The following ATP10B variants were observed in gnomAD, a reference collection of about 807,000 sequenced individuals.
The protein encoded by ATP10B is phospholipid-transporting ATPase VB.
In ATP10B, 122 loss-of-function variants were observed where a neutral mutation model predicts 141.2. The observed-to-expected ratio is 0.86, with a 90% confidence interval of 0.75 to 1.00. The LOEUF (loss-of-function observed/expected upper bound fraction) is 1.00, where lower values mean the gene tolerates loss of function less well. Ranked by LOEUF, ATP10B falls within the 50% of genes least tolerant of loss-of-function variation. ATP10B has a pLI of 0.00. For synonymous variants in ATP10B, 685 were observed against 692.0 expected (o/e 0.99, Z 0.16); for missense variants, 1,876 against 1,825.3 (o/e 1.03, Z -0.51).
At chr5:160,708,947 C>T (rs1191578110) in intron 3 of ATP10B, among the ~76,000 whole-genome samples, 4 of 152,150 alleles carry the variant, frequency 2.6e-5, no homozygotes, top group South Asian at 2.1e-4. Flanking sequence ...TGATACACAT[C>T]GGAGAGCCAG....
At chr5:160,718,774 C>T (rs894117539) in intron 2 of ATP10B, among the ~76,000 whole-genome samples, 6 of 152,124 alleles carry the variant, frequency 3.9e-5, no homozygotes, top group Non-Finnish European at 5.9e-5. Flanking sequence ...GGATCCGACC[C>T]CATGGCCCAA....
At chr5:160,898,306 A>G in the ATP10B span, among the ~76,000 whole-genome samples, 1 of 152,000 alleles carries the variant, frequency 6.6e-6, no homozygotes, top group Non-Finnish European at 1.5e-5. Context: ...TTACAAGAAA[A>G]AAACAACCCC....
At chr5:160,773,370 T>C (rs537651944) in intron 2 of ATP10B, among the ~76,000 whole-genome samples, 1 of 152,244 alleles carries the variant, frequency 6.6e-6, no homozygotes, top group Admixed American at 6.5e-5. Flanking sequence ...GGGTAGGAAG[T>C]CTGGGTACCA....
chr5:160,615,725 C>T, intron 17 of ATP10B, 113 bp downstream of exon 17: 2 of 1,375,560 alleles, frequency 1.5e-6, no homozygotes, highest in Admixed American at 1.9e-5. Context: ...AAGGGAACCC[C>T]AGGGAAGGCT....
rs116108065 is a variant in ATP10B, at chr5:160,809,416, C to T, written c.-575-23613G>A. 7.0e-3 allele frequency among the ~76,000 whole-genome samples: 1,067 copies of T among 152,082 alleles called. 18 individuals carry two copies. Among genetic ancestry groups the T allele is most frequent in the African/African-American group, 0.024 (1,004 of 41,492 alleles). ...AAAAAAATTTTTTTTCTACTTGACA[C>T]GTAATAATTATATATATTTCTGGTG... is the stretch of plus-strand genomic sequence containing the variant. On this transcript the variant is annotated intron_variant, in intron 1 of 25. Coordinates refer to ENST00000327245, the MANE Select transcript of ATP10B (RefSeq NM_025153.3).
chr5:160,647,166 G>C (rs970630794), intron 8 of ATP10B, among the ~76,000 whole-genome samples: 1 of 152,092 alleles, frequency 6.6e-6, no homozygotes, highest in Non-Finnish European at 1.5e-5. Flanking sequence ...ATCATTGAAA[G>C]CTGTTGATCT....
At chr5:160,571,665 T>C (rs1386954530) in intron 24 of ATP10B, among the ~76,000 whole-genome samples, 1 of 152,124 alleles carries the variant, frequency 6.6e-6, no homozygotes, top group East Asian at 1.9e-4. Context: ...AGAAAAGAAT[T>C]GTGTACATCT....
In ATP10B at chr5:160,634,630, A is replaced by G. The variant is rs758688387; in HGVS notation, c.1129-24T>C. 4 of 1,573,780 alleles carry G rather than the reference A, an allele frequency of 2.5e-6. No homozygotes were observed. The East Asian group carries it at 6.7e-5, about 26-fold the overall frequency. ...ACCTGAAAAGAGATGAGTTTCTACC[A>G]TTCAGAAACCAGGCAGGTTCCCTCC... On this transcript the variant is annotated intron_variant, in intron 11 of 25. Transcript: ENST00000327245.
At chr5:160,653,189 A>G (rs1761039942) in intron 7 of ATP10B, among the ~76,000 whole-genome samples, 1 of 133,694 alleles carries the variant, frequency 7.5e-6, no homozygotes, top group Non-Finnish European at 1.5e-5. Context: ...TATATTATAT[A>G]TACAATATAT....
At chr5:160,679,516 G>C (rs1251180483) in intron 6 of ATP10B, among the ~76,000 whole-genome samples, 2 of 152,140 alleles carry the variant, frequency 1.3e-5, no homozygotes, top group African/African-American at 4.8e-5. Context: ...TTCTTTTACT[G>C]AAAGCTTCCC....
chr5:160,855,848 T>A (rs1753983184), upstream of ATP10B, among the ~76,000 whole-genome samples: 1 of 151,820 alleles, frequency 6.6e-6, no homozygotes, highest in Admixed American at 6.6e-5. Context: ...TTTATGACTG[T>A]CCTTCCTCCA....
chr5:160,662,984 G>A lies in ATP10B; in HGVS notation c.675+7479C>T, dbSNP rs552071361. The stretch of plus-strand genomic sequence containing the variant: ...CCATCAACAAGTGAGCGAAGGATAT[G>A]AACAGACACTTCTCAAAAGAAGACA... On this transcript the variant is annotated intron_variant, in intron 7 of 25. Coordinates refer to ENST00000327245, the MANE Select transcript of ATP10B (RefSeq NM_025153.3). Among the ~76,000 whole-genome samples the A allele has an allele frequency of 2.0e-5, 3 of 152,346 alleles. No homozygotes were observed. In the South Asian group the frequency reaches 6.2e-4, roughly 32 times the overall value.
intron 22 of ATP10B, among the ~76,000 whole-genome samples, chr5:160,595,563 G>A (rs1379216245): frequency 6.6e-6 from 1 of 152,188 alleles, no homozygotes; most frequent in African/African-American, 2.4e-5. Flanking sequence ...GAAGGAAAGA[G>A]AGACACAAAA....
intron 2 of ATP10B, among the ~76,000 whole-genome samples, chr5:160,758,268 T>C (rs1768779421): frequency 6.6e-6 from 1 of 152,064 alleles, no homozygotes; most frequent in Admixed American, 6.6e-5. Flanking sequence ...CTTGTGTTGT[T>C]TTTTTTAATC....
At chr5:160,602,541 A>T (rs1301943683) in intron 21 of ATP10B, 36 bp downstream of exon 21, 2 of 1,612,472 alleles carry the variant, frequency 1.2e-6, no homozygotes, top group African/African-American at 1.3e-5. Flanking sequence ...AAGGCCTGCC[A>T]AAGCCCTGGG....
chr5:160,683,001 T>G (rs1460255787), intron 6 of ATP10B, among the ~76,000 whole-genome samples: 1 of 123,742 alleles, frequency 8.1e-6, no homozygotes, highest in Admixed American at 1.1e-4. Context: ...ATGGCGCCAC[T>G]GCACTCCAGC....
At chr5:160,616,008 A>G (rs1014485322) in intron 16 of ATP10B, 44 bp from the exon 17 acceptor site, 15 of 1,577,500 alleles carry the variant, frequency 9.5e-6, no homozygotes, top group African/African-American at 2.7e-5. Flanking sequence ...GGGTGGACCA[A>G]CAAGATAATT....
At chr5:160,890,488 G>A in the ATP10B span, among the ~76,000 whole-genome samples, 815 of 152,110 alleles carry the variant, frequency 5.4e-3, 8 homozygotes, top group African/African-American at 0.019. Flanking sequence ...GCTGCTTTCT[G>A]TCTCTTTGGA....
the ATP10B span, among the ~76,000 whole-genome samples, chr5:160,881,056 A>G: frequency 6.6e-6 from 1 of 152,254 alleles, no homozygotes; most frequent in African/African-American, 2.4e-5. Context: ...AAAGACTATT[A>G]CCCAAAATAT....
Sources: allele counts gnomAD v4.1 joint callset (sites outside exome capture counted in the v4.1 genomes callset), GRCh38; gene constraint gnomAD v4.1.1; transcripts MANE v1.5; gene names NCBI Gene and HGNC (gene_info 2026-07-23, HGNC 2026-07-21).